The following SEL1L variants were observed in gnomAD, a reference collection of about 807,000 sequenced individuals.
SEL1L encodes protein sel-1 homolog 1.
SEL1L carries 52 observed loss-of-function variants against 109.8 expected under a neutral mutation model. That is an observed-to-expected ratio of 0.47 (90% CI 0.38 to 0.60). SEL1L has a LOEUF of 0.60. SEL1L is among the 20% of genes least tolerant of loss of function. SEL1L has a pLI of 0.00. For synonymous variants in SEL1L, 373 were observed against 339.6 expected, an observed-to-expected ratio of 1.10 and a Z score of -1.08; for missense variants, 749 against 962.2, an observed-to-expected ratio of 0.78 and a Z score of 2.93.
At chr14:81,506,017 A>C in intron 4 of SEL1L, 57 bp downstream of exon 4, 1 of 1,534,932 alleles carries the variant, frequency 6.5e-7, no homozygotes, top group South Asian at 1.2e-5. Flanking sequence ...AAGGCCTTAA[A>C]AACATTGCCC....
At chr14:81,480,900 C>T (rs192048401) in intron 19 of SEL1L, among the ~76,000 whole-genome samples, 4 of 152,098 alleles carry the variant, frequency 2.6e-5, no homozygotes, top group Non-Finnish European at 4.4e-5. Context: ...TTATCTACCC[C>T]ACTCTTTCCT....
Position 81,504,263 on chromosome 14 carries a change from T to C in SEL1L, c.552A>G (p.Glu184=), listed in dbSNP as rs745770414. Residue 184 remains glutamate, a synonymous_variant, in exon 5 of 21, where the codon GAA becomes GAG. Transcript: ENST00000336735. ...AAKRRQMQEA[E]MMYQTGMKIL... ...TTTTCATTCCAGTTTGATACATCAT[T>C]TCTGCTTCCTGCATCTGCCGTCTCT... 6.2e-7 allele frequency: 1 copy of C among 1,600,530 alleles called. No homozygotes were observed. Among genetic ancestry groups the C allele is most frequent in the East Asian group, 2.3e-5 (1 of 43,930 alleles).
At position 81,501,461 on chromosome 14, in the gene SEL1L, C is replaced by T. The variant is rs115266591; in HGVS notation, c.777+1260G>A. Among the ~76,000 whole-genome samples the T allele has an allele frequency of 6.7e-3, 1,023 of 152,074 alleles. 12 individuals are homozygous for T. The highest frequency in any genetic ancestry group is 0.022 in the African/African-American group (920 of 41,446). ...ATATGTTTTTATATAAACTGATTCA[C>T]GCAAAGAAGAGAAAAACCTTTGAAA... On this transcript the variant is annotated intron_variant, in intron 6 of 20. Transcript: ENST00000336735.
intron 14 of SEL1L, chr14:81,488,909 C>T (rs533332328): frequency 3.7e-5 from 10 of 269,760 alleles, no homozygotes; most frequent in Non-Finnish European, 6.3e-5. Context: ...CAATGGAAGG[C>T]AGTTATGCAT....
chr14:81,532,769 G>C (rs918501900), intron 1 of SEL1L, among the ~76,000 whole-genome samples: 3 of 152,020 alleles, frequency 2.0e-5, no homozygotes, highest in Non-Finnish European at 4.4e-5. Context: ...TTTATACTCC[G>C]TGTTGTCCCC....
rs1313770934 is a variant in SEL1L, at chr14:81,472,779, G to C, written c.*4193C>G. On this transcript the variant is annotated 3_prime_UTR_variant, in exon 21 of 21. Coordinates refer to ENST00000336735, the MANE Select transcript of SEL1L (RefSeq NM_005065.6). ...AATCTGAATTTCAGGAGTTTAAAATGAAAGATAAATTCAAATTGCCACAAG... is the reference window on the plus strand; with the variant it reads ...AATCTGAATTTCAGGAGTTTAAAATCAAAGATAAATTCAAATTGCCACAAG... 4.9e-6 allele frequency: 1 copy of C among 202,844 alleles called. No homozygotes were observed. Among genetic ancestry groups the C allele is most frequent in the African/African-American group, 2.4e-5 (1 of 42,038 alleles). 12.6% of individuals were successfully genotyped at this position (202,844 alleles called of 1,614,324 possible).
intron 3 of SEL1L, among the ~76,000 whole-genome samples, chr14:81,510,968 A>T (rs565900723): frequency 6.6e-6 from 1 of 152,374 alleles, no homozygotes; most frequent in African/African-American, 2.4e-5. Flanking sequence ...TATGGTTTAA[A>T]GGAAACAAAG....
intron 4 of SEL1L, 26 bp downstream of exon 4, chr14:81,506,048 T>A: frequency 6.2e-7 from 1 of 1,607,796 alleles, no homozygotes; most frequent in Non-Finnish European, 8.5e-7. Context: ...GCAATGCAGA[T>A]CTGCCTCCTA....
intron 19 of SEL1L, among the ~76,000 whole-genome samples, chr14:81,480,213 CAG>C (rs1365193428): frequency 1.3e-5 from 2 of 151,742 alleles, no homozygotes; most frequent in African/African-American, 4.8e-5. Flanking sequence ...TTTTTTGAGA[CAG>C]AGTCTTGCTG....
chr14:81,494,210 T>A (rs1883651208), intron 11 of SEL1L, among the ~76,000 whole-genome samples: 2 of 152,316 alleles, frequency 1.3e-5, no homozygotes, highest in South Asian at 4.1e-4. Context: ...AATACCATCT[T>A]ACTGGTTGCT....
chr14:81,490,824 C>G (rs1883513515), intron 12 of SEL1L, among the ~76,000 whole-genome samples: 1 of 152,164 alleles, frequency 6.6e-6, no homozygotes, highest in Non-Finnish European at 1.5e-5. Context: ...TTGCTTGGGC[C>G]CAGGAGGCTG....
In SEL1L at chr14:81,476,704, CAT is replaced by C. The variant is rs963830089; in HGVS notation, c.*266_*267del. Reference sequence around the variant, plus strand: ...AGTAGACATTACTCTGAGTGTCTCACATATGTTTCCAGAAAAGAAAAAAAAAA... The same window carrying C: ...AGTAGACATTACTCTGAGTGTCTCACATGTTTCCAGAAAAGAAAAAAAAAA... On this transcript the variant is annotated 3_prime_UTR_variant, in exon 21 of 21. Coordinates refer to ENST00000336735, the MANE Select transcript of SEL1L (RefSeq NM_005065.6). 8 of 435,188 alleles carry C rather than the reference CAT, an allele frequency of 1.8e-5. No homozygotes were observed. The highest frequency in any genetic ancestry group is 5.9e-5 in the African/African-American group (3 of 51,156). The allele number at this position is 435,188 out of a possible 1,614,324, so 27.0% of individuals were successfully genotyped here.
At chr14:81,487,649 A>C in intron 15 of SEL1L, 111 bp from the exon 16 acceptor site, 1 of 1,517,628 alleles carries the variant, frequency 6.6e-7, no homozygotes, top group East Asian at 2.3e-5. Flanking sequence ...CTTACTGAGT[A>C]AATATGTGAA....
chr14:81,498,392 TA>T lies in SEL1L; in HGVS notation c.973+20del. 1.3e-6 allele frequency: 2 copies of T among 1,577,992 alleles called. No individual in the cohort carries two copies. The highest frequency in any genetic ancestry group is 8.7e-7 in the Non-Finnish European group (1 of 1,154,616). ...CCATTTATTTTTTTTTCCTAAAAGG[TA>T]AAAGGGGAAACATAGATACCATGAT... On this transcript the variant is annotated intron_variant, in intron 9 of 20. Coordinates refer to ENST00000336735, the MANE Select transcript of SEL1L (RefSeq NM_005065.6).
At chr14:81,530,125 T>C (rs547977273) in intron 1 of SEL1L, among the ~76,000 whole-genome samples, 1 of 152,372 alleles carries the variant, frequency 6.6e-6, no homozygotes, top group South Asian at 2.1e-4. Context: ...AAGTGATCAC[T>C]ACAAAATCAT....
At chr14:81,503,048 A>G (rs1595519444) in intron 5 of SEL1L, among the ~76,000 whole-genome samples, 165 bp from the exon 6 acceptor site, 1 of 152,354 alleles carries the variant, frequency 6.6e-6, no homozygotes, top group African/African-American at 2.4e-5. Context: ...GCTGGAGTGC[A>G]ATGGCATAAT....
rs1903026919 is a variant in SEL1L, at chr14:81,471,996, A to G, written c.*4976T>C. ...TACTACAGAAATTCTGATTTTTTTT[A>G]CTTGCATCTAATTTGTGTATCTGCT... On this transcript the variant is annotated 3_prime_UTR_variant, in exon 21 of 21. Coordinates refer to ENST00000336735, the MANE Select transcript of SEL1L (RefSeq NM_005065.6). The G allele has an allele frequency of 6.6e-6, 1 of 152,132 alleles. No individual in the cohort carries two copies. Among genetic ancestry groups the G allele is most frequent in the Non-Finnish European group, 1.5e-5 (1 of 68,016 alleles). The allele number at this position is 152,132 out of a possible 1,614,324, so 9.4% of individuals were successfully genotyped here. A position where few individuals can be genotyped will look rare whatever the true frequency, so the allele number is the denominator to read the frequency against.
At chr14:81,496,691 G>A (rs1262899754) in intron 10 of SEL1L, among the ~76,000 whole-genome samples, 2 of 152,128 alleles carry the variant, frequency 1.3e-5, no homozygotes, top group Non-Finnish European at 2.9e-5. Flanking sequence ...AGCGAGCTGA[G>A]ATAGTGGCAC....
intron 19 of SEL1L, 138 bp from the exon 20 acceptor site, chr14:81,479,878 A>C (rs546807971): frequency 1.3e-6 from 1 of 779,154 alleles, no homozygotes; most frequent in Non-Finnish European, 1.9e-6. Context: ...CAAAAATGCC[A>C]AGCTTTACTT....
Sources: allele counts gnomAD v4.1 joint callset (sites outside exome capture counted in the v4.1 genomes callset), GRCh38; gene constraint gnomAD v4.1.1; transcripts MANE v1.5; gene names NCBI Gene and HGNC (gene_info 2026-07-23, HGNC 2026-07-21).